Variants in PRKG1 observed in about 807,000 individuals in gnomAD.
The protein encoded by PRKG1 is cGMP-dependent protein kinase 1.
A neutral mutation model predicts 88.1 loss-of-function variants in PRKG1; 35 were observed. The observed-to-expected ratio is 0.40, with a 90% CI of 0.30 to 0.53. The LOEUF is 0.53. Among genes scored for constraint, PRKG1 ranks in the 20% least tolerant of loss-of-function variants. The pLI, the probability that PRKG1 is intolerant of heterozygous loss-of-function variation, is 0.59. For synonymous variants in PRKG1, 303 were observed against 292.5 expected, an observed-to-expected ratio of 1.04 and a Z score of -0.37; for missense variants, 540 against 839.8, an observed-to-expected ratio of 0.64 and a Z score of 4.41.
intron 3 of PRKG1, among the ~76,000 whole-genome samples, chr10:51,760,160 C>A (rs1399709410): frequency 3.3e-5 from 5 of 152,136 alleles, no homozygotes; most frequent in Non-Finnish European, 7.3e-5. Context: ...TAATTTTTGT[C>A]TAACATGATA....
intron 5 of PRKG1, among the ~76,000 whole-genome samples, chr10:51,948,835 C>T (rs977760660): frequency 1.3e-5 from 2 of 152,094 alleles, no homozygotes; most frequent in African/African-American, 4.8e-5. Context: ...ATAAACTAAA[C>T]TGTAGGGCAA....
intron 8 of PRKG1, among the ~76,000 whole-genome samples, chr10:52,153,045 T>C (rs1326346375): frequency 6.6e-6 from 1 of 152,068 alleles, no homozygotes; most frequent in Admixed American, 6.6e-5. Flanking sequence ...AGGTATCAGA[T>C]AGGATTCAGA....
chr10:51,831,302 G>T (rs548719615), intron 4 of PRKG1, among the ~76,000 whole-genome samples: 1 of 151,760 alleles, frequency 6.6e-6, no homozygotes, highest in Admixed American at 6.6e-5. Flanking sequence ...ATATGTTCAT[G>T]GTAGAAAATG....
intron 3 of PRKG1, among the ~76,000 whole-genome samples, chr10:51,584,413 T>C (rs1173737104): frequency 6.6e-6 from 1 of 152,002 alleles, no homozygotes; most frequent in Non-Finnish European, 1.5e-5. Context: ...AAAAGGAATA[T>C]AATATATAAT....
chr10:52,239,416 G>A (rs1044358172), intron 9 of PRKG1, among the ~76,000 whole-genome samples: 2 of 142,878 alleles, frequency 1.4e-5, no homozygotes, highest in African/African-American at 5.1e-5. Context: ...GAAATGAGTT[G>A]ATTAGATGTG....
intron 3 of PRKG1, among the ~76,000 whole-genome samples, chr10:51,612,640 G>A (rs189910751): frequency 8.5e-5 from 13 of 152,058 alleles, no homozygotes; most frequent in African/African-American, 3.1e-4. Flanking sequence ...TGATGCACTG[G>A]CTACAACATC....
intron 3 of PRKG1, among the ~76,000 whole-genome samples, chr10:51,690,601 G>T (rs745452196): frequency 6.6e-6 from 1 of 152,014 alleles, no homozygotes; most frequent in Non-Finnish European, 1.5e-5. Flanking sequence ...AGAGTCAGAG[G>T]TTGGCAGGTA....
At chr10:51,356,630 C>T (rs1452710842) in intron 2 of PRKG1, among the ~76,000 whole-genome samples, 2 of 152,132 alleles carry the variant, frequency 1.3e-5, no homozygotes, top group South Asian at 4.1e-4. Context: ...CTTTAAAGCA[C>T]AACTCAAGTG....
intron 2 of PRKG1, among the ~76,000 whole-genome samples, chr10:51,176,351 A>C (rs1049687747): frequency 6.6e-6 from 1 of 152,118 alleles, no homozygotes; most frequent in Non-Finnish European, 1.5e-5. Flanking sequence ...GCAGAGGGTC[A>C]AATTTCAACT....
chr10:51,307,478 G>T (rs1268470238), intron 2 of PRKG1, among the ~76,000 whole-genome samples: 1 of 152,084 alleles, frequency 6.6e-6, no homozygotes, highest in Non-Finnish European at 1.5e-5. Flanking sequence ...GCTTATTTCT[G>T]ATCGTGGTGG....
chr10:51,809,077 G>GT (rs1476661043), intron 4 of PRKG1, among the ~76,000 whole-genome samples: 1 of 152,112 alleles, frequency 6.6e-6, no homozygotes, highest in Non-Finnish European at 1.5e-5. Context: ...ACAGGCAAGA[G>GT]TTTTTCTTTA....
At chr10:51,198,863 C>T (rs957728235) in intron 2 of PRKG1, among the ~76,000 whole-genome samples, 5 of 152,090 alleles carry the variant, frequency 3.3e-5, no homozygotes, top group Non-Finnish European at 5.9e-5. Flanking sequence ...TTTAGTTATC[C>T]GTAGATTTAA....
intron 2 of PRKG1, among the ~76,000 whole-genome samples, chr10:51,436,208 A>G (rs1179659833): frequency 6.7e-6 from 1 of 149,712 alleles, no homozygotes; most frequent in African/African-American, 2.5e-5. Context: ...TTCCTGACAT[A>G]TGGCAAGTCC....
intron 4 of PRKG1, among the ~76,000 whole-genome samples, chr10:51,813,115 T>C (rs1352460414): frequency 6.6e-6 from 1 of 152,226 alleles, no homozygotes; most frequent in Non-Finnish European, 1.5e-5. Context: ...TGAATTTGCT[T>C]TTTGTCTAAC....
intron 3 of PRKG1, among the ~76,000 whole-genome samples, chr10:51,726,282 A>G (rs1231117800): frequency 6.6e-6 from 1 of 152,220 alleles, no homozygotes; most frequent in African/African-American, 2.4e-5. Flanking sequence ...TACATTTTGT[A>G]AAGACTTTTA....
At chr10:51,126,072 A>G (rs1396058354) in intron 1 of PRKG1, among the ~76,000 whole-genome samples, 2 of 118,232 alleles carry the variant, frequency 1.7e-5, no homozygotes, top group Non-Finnish European at 3.2e-5. Context: ...AATATACTAC[A>G]TATAATTATA....
chr10:51,833,633 G>T (rs1030925225), intron 4 of PRKG1, among the ~76,000 whole-genome samples: 1 of 151,950 alleles, frequency 6.6e-6, no homozygotes. Context: ...TATACATTGT[G>T]GAATGACCAA....
intron 4 of PRKG1, among the ~76,000 whole-genome samples, chr10:51,876,605 T>C (rs1048498301): frequency 1.3e-5 from 2 of 152,224 alleles, no homozygotes; most frequent in African/African-American, 4.8e-5. Flanking sequence ...GCCAGTTACG[T>C]TGTTCAGCAA....
At chr10:51,027,093 T>C (rs1191664682) in intron 1 of PRKG1, among the ~76,000 whole-genome samples, 1 of 152,178 alleles carries the variant, frequency 6.6e-6, no homozygotes. Flanking sequence ...TAAAAGATCA[T>C]GAAGAGTTTC....
Sources: gnomAD v4.1 joint callset for allele counts (sites outside exome capture counted in the v4.1 genomes callset) on GRCh38, gnomAD v4.1.1 for gene constraint, MANE v1.5 for transcripts, NCBI Gene and HGNC (gene_info 2026-07-23, HGNC 2026-07-21) for gene names.